Variants in DDX10 observed in about 807,000 individuals in gnomAD.
The protein encoded by DDX10 is probable ATP-dependent RNA helicase DDX10.
In DDX10, 74 loss-of-function variants were observed where a neutral mutation model predicts 104.3. The ratio of observed to expected loss-of-function variants is 0.71; its 90% CI spans 0.59 to 0.86. The LOEUF (loss-of-function observed/expected upper bound fraction) is 0.86. Among genes scored for constraint, DDX10 ranks in the 40% least tolerant of loss-of-function variants. The pLI, the probability that DDX10 is intolerant of heterozygous loss-of-function variation, is 0.00. For synonymous variants in DDX10, 351 were observed against 353.4 expected (o/e 0.99, Z 0.08); for missense variants, 952 against 1,040.0 (o/e 0.92, Z 1.16).
intron 6 of DDX10, among the ~76,000 whole-genome samples, chr11:108,685,953 C>G (rs2094243417): frequency 6.6e-6 from 1 of 152,162 alleles, no homozygotes; most frequent in Non-Finnish European, 1.5e-5. Flanking sequence ...AAAGGCATTT[C>G]CTTTGAAATA....
At chr11:108,891,705 C>T (rs866387368) in intron 16 of DDX10, among the ~76,000 whole-genome samples, 4 of 152,188 alleles carry the variant, frequency 2.6e-5, no homozygotes, top group East Asian at 1.9e-4. Context: ...AGCACGAACC[C>T]GGTCCTCTAA....
intron 13 of DDX10, among the ~76,000 whole-genome samples, chr11:108,799,306 C>A (rs982749304): frequency 6.6e-6 from 1 of 152,200 alleles, no homozygotes; most frequent in East Asian, 1.9e-4. Context: ...CTCACTTTCA[C>A]CCCTCCCTGC....
chr11:108,843,601 C>A (rs1199014453), intron 15 of DDX10, among the ~76,000 whole-genome samples: 4 of 151,892 alleles, frequency 2.6e-5, no homozygotes, highest in Admixed American at 1.3e-4. Context: ...ACTAAAAATA[C>A]AAAAATTAGC....
intron 16 of DDX10, among the ~76,000 whole-genome samples, chr11:108,897,239 A>T (rs1485568356): frequency 6.6e-6 from 1 of 152,188 alleles, no homozygotes. Flanking sequence ...GACTAGCTGC[A>T]AGCAGGGGAC....
rs142381520 is a variant in DDX10 at position 108,837,607 on chromosome 11, C to CTTTTTTTTTTTTTTT, written c.1966-818_1966-804dup. ...TTCTGCATCTCACCTTTGGATACAG[C>CTTTTTTTTTTTTTTT]TTTTTTTTTTTTTTTTTTTTTTTTT... is the stretch of plus-strand genomic sequence containing the variant. On this transcript the variant is annotated intron_variant, in intron 13 of 17. Transcript: ENST00000322536. Among the ~76,000 whole-genome samples, 14 of 34,748 alleles carry CTTTTTTTTTTTTTTT rather than the reference C, an allele frequency of 4.0e-4. 4 individuals are homozygous for CTTTTTTTTTTTTTTT. The highest frequency in any genetic ancestry group is 1.3e-3 in the South Asian group (1 of 754). 22.8% of individuals were successfully genotyped at this position (34,748 alleles called of 152,430 possible).
rs901109610 is a variant in DDX10, at chr11:108,712,676, A to G, written c.1323-3203A>G. On this transcript the variant is annotated intron_variant, in intron 10 of 17. Coordinates refer to ENST00000322536, the MANE Select transcript of DDX10 (RefSeq NM_004398.4). The stretch of plus-strand genomic sequence containing the variant: ...ACATAAGATATATACATAAACATAC[A>G]TAATTAAACACGCTGGGGCTATTAA... Among the ~76,000 whole-genome samples, 7 of 152,184 alleles carry G rather than the reference A, an allele frequency of 4.6e-5. No individual in the cohort carries two copies. The South Asian group carries it at 1.4e-3, about 31-fold the overall frequency.
Position 108,706,947 on chromosome 11 carries a change from G to A in DDX10, c.1322+110G>A, listed in dbSNP as rs553968953. 5.2e-5 allele frequency: 44 copies of A among 853,216 alleles called. No homozygotes were observed. The South Asian group carries it at 6.5e-4, about 13-fold the overall frequency. 52.9% of individuals were successfully genotyped at this position (853,216 alleles called of 1,614,324 possible). On this transcript the variant is annotated intron_variant, in intron 10 of 17. Coordinates refer to ENST00000322536, the MANE Select transcript of DDX10 (RefSeq NM_004398.4). Reference sequence around the variant, plus strand: ...TTCCCCTAATTTATTCAACTGCCTGGTTTGACTTTTATAAAAAGGCTCTTT... The same window carrying A: ...TTCCCCTAATTTATTCAACTGCCTGATTTGACTTTTATAAAAAGGCTCTTT...
chr11:108,780,590 G>A (rs951562471), intron 13 of DDX10, among the ~76,000 whole-genome samples: 20 of 152,112 alleles, frequency 1.3e-4, no homozygotes, highest in African/African-American at 1.9e-4. Context: ...GATTTTCCTA[G>A]TGTACCACAT....
chr11:108,879,044 G>A (rs866251395), intron 16 of DDX10, among the ~76,000 whole-genome samples: 9 of 151,814 alleles, frequency 5.9e-5, no homozygotes, highest in African/African-American at 1.5e-4. Context: ...TTGCTCTGTC[G>A]CCAGGCTGGA....
At chr11:108,749,369 G>A (rs1042388474) in intron 13 of DDX10, among the ~76,000 whole-genome samples, 12 of 152,006 alleles carry the variant, frequency 7.9e-5, no homozygotes. Context: ...TCAAGGAGTA[G>A]GGTAGTACTA....
chr11:108,779,606 C>G (rs1210713908), intron 13 of DDX10, among the ~76,000 whole-genome samples: 3 of 152,048 alleles, frequency 2.0e-5, no homozygotes, highest in Non-Finnish European at 4.4e-5. Flanking sequence ...CAACGTGGCA[C>G]ATGTATACAT....
intron 9 of DDX10, among the ~76,000 whole-genome samples, chr11:108,694,862 C>T (rs1024650498): frequency 6.6e-6 from 1 of 152,028 alleles, no homozygotes; most frequent in Non-Finnish European, 1.5e-5. Flanking sequence ...GCCTGGGCGA[C>T]AGAGTGATGC....
chr11:108,897,556 A>G (rs1253037452), intron 16 of DDX10, among the ~76,000 whole-genome samples: 2 of 152,196 alleles, frequency 1.3e-5, no homozygotes, highest in East Asian at 1.9e-4. Flanking sequence ...TAGGCCGCCA[A>G]GGTGAGAGTG....
chr11:108,908,295 A>C (rs944720050), intron 16 of DDX10, among the ~76,000 whole-genome samples: 7 of 152,154 alleles, frequency 4.6e-5, no homozygotes, highest in African/African-American at 1.7e-4. Context: ...TGGAAACAAA[A>C]TGTGTTTTGA....
At position 108,679,386 on chromosome 11, in the gene DDX10, A is replaced by T; in HGVS notation, c.674A>T (p.Asp225Val). Residue 225 changes from aspartate to valine, a missense_variant, in exon 6 of 18, where the codon GAT (aspartate) becomes GTT (valine). Asp to Val is a radical substitution (Grantham distance 152). Around this residue, in one of 3 missense-constraint regions of DDX10, gnomAD observed 412 missense variants for 479.2 expected, o/e 0.86. Coordinates refer to ENST00000322536, the MANE Select transcript of DDX10 (RefSeq NM_004398.4). ...DLQMLVLDEA[D>V]RILDMGFADT... ...CCTTTTTCAGTTCTTGATGAAGCAG[A>T]TAGAATCTTGGATATGGGCTTTGCT... 1 of 1,597,478 alleles carries T rather than the reference A, an allele frequency of 6.3e-7. No individual in the cohort carries two copies. Among genetic ancestry groups the T allele is most frequent in the Non-Finnish European group, 8.5e-7 (1 of 1,176,122 alleles).
chr11:108,859,188 G>C (rs934382869), intron 16 of DDX10, among the ~76,000 whole-genome samples: 8 of 152,158 alleles, frequency 5.3e-5, no homozygotes, highest in Admixed American at 5.2e-4. Context: ...TCTTAAACCT[G>C]TTCAGGGCAG....
chr11:108,803,905 A>G (rs762609266), intron 13 of DDX10, among the ~76,000 whole-genome samples: 29 of 152,332 alleles, frequency 1.9e-4, no homozygotes, highest in Admixed American at 4.6e-4. Context: ...TGAGGGTTAC[A>G]TGAAACAATC....
intron 8 of DDX10, among the ~76,000 whole-genome samples, chr11:108,692,798 A>G (rs1404346552): frequency 6.6e-6 from 1 of 151,922 alleles, no homozygotes; most frequent in East Asian, 1.9e-4. Flanking sequence ...ATCATAGCTC[A>G]CTACAGCCTC....
Position 108,675,693 on chromosome 11 carries a change from T to C in DDX10, c.345T>C (p.Thr115=). The change falls in exon 3 of 18, where the codon ACT becomes ACC. Residue 115 remains threonine, a synonymous_variant. Transcript: ENST00000322536. Reference sequence around the variant, plus strand: ...AAGATGTACTTGGAGCGGCCAAAACTGGATCTGGCAAGACTCTGGCTTTTC... The same window carrying C: ...AAGATGTACTTGGAGCGGCCAAAACCGGATCTGGCAAGACTCTGGCTTTTC... ...QGKDVLGAAK[T]GSGKTLAFLV... 6.2e-6 allele frequency: 10 copies of C among 1,614,224 alleles called. No individual in the cohort carries two copies. Among genetic ancestry groups the C allele is most frequent in the Non-Finnish European group, 8.5e-6 (10 of 1,180,030 alleles).
Sources: allele counts gnomAD v4.1 joint callset (sites outside exome capture counted in the v4.1 genomes callset), GRCh38; gene constraint gnomAD v4.1.1; regional missense constraint gnomAD v4.1.1; transcripts MANE v1.5; gene names NCBI Gene and HGNC (gene_info 2026-07-23, HGNC 2026-07-21).